Variants in EPHA5 observed in about 807,000 individuals in gnomAD.
EPHA5 encodes the protein EPH receptor A5.
EPHA5 carries 60 observed loss-of-function variants against 105.0 expected under a neutral mutation model. That is an observed-to-expected ratio of 0.57 (90% CI 0.46 to 0.71). EPHA5 has a LOEUF of 0.71. EPHA5 is among the 30% of genes least tolerant of loss of function. The pLI is 0.00. For synonymous variants in EPHA5, 513 were observed against 449.1 expected (o/e 1.14, Z -1.80); for missense variants, 1,218 against 1,274.7 (o/e 0.96, Z 0.68).
intron 3 of EPHA5, among the ~76,000 whole-genome samples, chr4:65,549,501 A>G (rs1737689685): frequency 6.6e-6 from 1 of 152,132 alleles, no homozygotes; most frequent in African/African-American, 2.4e-5. Flanking sequence ...AAAGAAAGCA[A>G]TGATATTTGG....
chr4:65,373,310 C>T (rs769771540), intron 8 of EPHA5, among the ~76,000 whole-genome samples: 1 of 151,772 alleles, frequency 6.6e-6, no homozygotes, highest in Admixed American at 6.6e-5. Flanking sequence ...ATCTGCCTAC[C>T]ACAAAGCACT....
At chr4:65,452,075 C>A (rs1727120269) in intron 5 of EPHA5, among the ~76,000 whole-genome samples, 1 of 152,024 alleles carries the variant, frequency 6.6e-6, no homozygotes, top group Admixed American at 6.6e-5. Flanking sequence ...ATTTTTAAAT[C>A]ATCAGAAGAT....
intron 5 of EPHA5, among the ~76,000 whole-genome samples, chr4:65,443,009 T>G (rs1246433044): frequency 6.6e-6 from 1 of 152,134 alleles, no homozygotes; most frequent in South Asian, 2.1e-4. Flanking sequence ...AGTCGCTATT[T>G]GAACAAACTA....
chr4:65,391,758 G>A (rs1720734673), intron 8 of EPHA5, among the ~76,000 whole-genome samples: 1 of 152,138 alleles, frequency 6.6e-6, no homozygotes, highest in Non-Finnish European at 1.5e-5. Flanking sequence ...GAGAAATGGA[G>A]CTTTGAGCAA....
At chr4:65,630,699 T>C (rs1746551059) in intron 2 of EPHA5, among the ~76,000 whole-genome samples, 1 of 152,150 alleles carries the variant, frequency 6.6e-6, no homozygotes, top group Non-Finnish European at 1.5e-5. Context: ...TTATTTCTTC[T>C]AAGGAGGCAA....
chr4:65,367,235 T>G, intron 9 of EPHA5, 122 bp downstream of exon 9: 1 of 845,864 alleles, frequency 1.2e-6, no homozygotes, highest in Non-Finnish European at 1.8e-6. Context: ...TAGAACACTT[T>G]TAAAAAAAAA....
At chr4:65,636,506 CAT>C (rs1747131925) in intron 2 of EPHA5, among the ~76,000 whole-genome samples, 1 of 151,666 alleles carries the variant, frequency 6.6e-6, no homozygotes, top group South Asian at 2.1e-4. Context: ...GTCACTTACC[CAT>C]ACTGAATCTC....
chr4:65,630,255 G>A (rs1277109376), intron 2 of EPHA5, among the ~76,000 whole-genome samples: 3 of 152,148 alleles, frequency 2.0e-5, no homozygotes, highest in Non-Finnish European at 2.9e-5. Flanking sequence ...GCTTCCCTAT[G>A]AGATCTCAAG....
intron 1 of EPHA5, among the ~76,000 whole-genome samples, chr4:65,664,228 A>T (rs189218133): frequency 7.0e-4 from 107 of 152,040 alleles, no homozygotes; most frequent in Admixed American, 1.8e-3. Context: ...AACATTTTCA[A>T]TGGCACCAAT....
intron 6 of EPHA5, among the ~76,000 whole-genome samples, chr4:65,416,817 C>T (rs1451841308): frequency 6.6e-6 from 1 of 152,104 alleles, no homozygotes; most frequent in East Asian, 1.9e-4. Context: ...GGATCAAAAC[C>T]AACGAATACA....
chr4:65,646,157 C>T (rs932329115), intron 1 of EPHA5, among the ~76,000 whole-genome samples: 1 of 152,144 alleles, frequency 6.6e-6, no homozygotes, highest in African/African-American at 2.4e-5. Context: ...CTTCCTTCTT[C>T]AGGACACTAT....
At chr4:65,429,617 T>A (rs926255917) in intron 5 of EPHA5, among the ~76,000 whole-genome samples, 1 of 152,082 alleles carries the variant, frequency 6.6e-6, no homozygotes, top group African/African-American at 2.4e-5. Context: ...TTCTCACTTC[T>A]CATTGGTCTT....
chr4:65,392,026 T>C (rs1415649310), intron 8 of EPHA5, among the ~76,000 whole-genome samples: 1 of 152,134 alleles, frequency 6.6e-6, no homozygotes, highest in Non-Finnish European at 1.5e-5. Context: ...TTCAATAGTG[T>C]TGAGCAATTG....
chr4:65,323,907 T>C lies in EPHA5; in HGVS notation c.*207A>G, dbSNP rs958049534. ...TTCATGTCCCTTTTAATGCAAGATA[T>C]GTTTGCTTCATGAAAAATGAAGACT... is the stretch of plus-strand genomic sequence containing the variant. On this transcript the variant is annotated 3_prime_UTR_variant, in exon 17 of 17. Transcript: ENST00000613740. 7.0e-6 allele frequency: 3 copies of C among 431,358 alleles called. No homozygotes were observed. The highest frequency in any genetic ancestry group is 4.2e-5 in the Admixed American group (1 of 23,960). The allele number at this position is 431,358 out of a possible 1,614,324, so 26.7% of individuals were successfully genotyped here. A position where few individuals can be genotyped will look rare whatever the true frequency, so the allele number is the denominator to read the frequency against.
At chr4:65,584,850 T>G (rs1025838581) in intron 3 of EPHA5, among the ~76,000 whole-genome samples, 1 of 151,976 alleles carries the variant, frequency 6.6e-6, no homozygotes, top group Non-Finnish European at 1.5e-5. Context: ...ATTATTTATT[T>G]GTCACTCATA....
chr4:65,357,792 GA>G (rs577012415), intron 11 of EPHA5, among the ~76,000 whole-genome samples: 37 of 150,956 alleles, frequency 2.5e-4, no homozygotes, highest in Admixed American at 9.3e-4. Flanking sequence ...TTGTACACTT[GA>G]AAAAAAATTA....
chr4:65,518,138 G>T (rs2149272943), intron 3 of EPHA5, among the ~76,000 whole-genome samples: 1 of 151,978 alleles, frequency 6.6e-6, no homozygotes, highest in African/African-American at 2.4e-5. Flanking sequence ...CCTTTGAAAA[G>T]CTGTGACATT....
At chr4:65,603,610 G>A (rs1560760667) in intron 2 of EPHA5, among the ~76,000 whole-genome samples, 1 of 152,112 alleles carries the variant, frequency 6.6e-6, no homozygotes, top group Non-Finnish European at 1.5e-5. Flanking sequence ...TACATCAGAT[G>A]GCTCCTCTCG....
intron 8 of EPHA5, among the ~76,000 whole-genome samples, chr4:65,379,395 C>G (rs1719337776): frequency 1.3e-5 from 2 of 151,412 alleles, no homozygotes; most frequent in South Asian, 2.1e-4. Context: ...ATTTAAAAAC[C>G]TAGAACCATA....
Sources: allele counts gnomAD v4.1 joint callset (sites outside exome capture counted in the v4.1 genomes callset), GRCh38; gene constraint gnomAD v4.1.1; transcripts MANE v1.5; gene names NCBI Gene and HGNC (gene_info 2026-07-23, HGNC 2026-07-21).